Variants in MARCHF1 observed in about 807,000 individuals in gnomAD.
MARCHF1 encodes membrane associated ring-CH-type finger 1.
Under a neutral mutation model 54.2 loss-of-function variants are expected in MARCHF1, and 40 were observed. The ratio of observed to expected loss-of-function variants is 0.74; its 90% CI spans 0.57 to 0.96. The LOEUF (loss-of-function observed/expected upper bound fraction) is 0.96, where lower values mean the gene tolerates loss of function less well. Ranked by LOEUF, MARCHF1 falls within the 40% of genes least tolerant of loss-of-function variation. MARCHF1 has a pLI of 0.00. For missense variants in MARCHF1, 586 were observed against 656.5 expected, an observed-to-expected ratio of 0.89 and a Z score of 1.17; for synonymous variants, 236 against 236.3, an observed-to-expected ratio of 1.00 and a Z score of 0.01.
In MARCHF1 at chr4:163,528,834, C is replaced by G. The variant is rs1407435292; in HGVS notation, c.1552G>C (p.Asp518His). 1 of 1,613,156 alleles carries G rather than the reference C, an allele frequency of 6.2e-7. No individual in the cohort carries two copies. The highest frequency in any genetic ancestry group is 8.5e-7 in the Non-Finnish European group (1 of 1,179,480). Residue 518 changes from aspartate to histidine, a missense_variant, in exon 10 of 10, where the codon GAT becomes CAT. Asp to His is a moderately conservative substitution (Grantham distance 81). Around this residue, in one of 3 missense-constraint regions of MARCHF1, gnomAD observed 106 missense variants for 93.8 expected, o/e 1.13. Transcript: ENST00000514618. ...FSCNVNTDIK[D>H]AVVVPVPQTG... ...TGTGGTACAGGCACTACCACAGCAT[C>G]TTTGATGTCTGTGTTTACATTACAT...
chr4:163,771,770 G>A (rs1298657156), intron 4 of MARCHF1, among the ~76,000 whole-genome samples: 3 of 152,168 alleles, frequency 2.0e-5, no homozygotes, highest in African/African-American at 7.2e-5. Flanking sequence ...AAGGGTGGAG[G>A]TGGAATTCAG....
intron 3 of MARCHF1, among the ~76,000 whole-genome samples, chr4:163,915,823 A>G (rs1560817971): frequency 6.6e-6 from 1 of 152,214 alleles, no homozygotes; most frequent in Non-Finnish European, 1.5e-5. Context: ...ATAGTCAGGT[A>G]GTAAGATCGT....
chr4:164,110,144 AC>A (rs1755804106), intron 2 of MARCHF1, among the ~76,000 whole-genome samples: 2 of 151,288 alleles, frequency 1.3e-5, no homozygotes, highest in Non-Finnish European at 3.0e-5. Flanking sequence ...ACACACACAC[AC>A]ACACACACAC....
At chr4:163,644,772 G>A (rs1450153042) in intron 5 of MARCHF1, among the ~76,000 whole-genome samples, 1 of 152,164 alleles carries the variant, frequency 6.6e-6, no homozygotes, top group Non-Finnish European at 1.5e-5. Flanking sequence ...GACCTGAAAG[G>A]TCCATAGATG....
At chr4:163,570,949 A>T (rs1739824786) in intron 8 of MARCHF1, among the ~76,000 whole-genome samples, 1 of 152,088 alleles carries the variant, frequency 6.6e-6, no homozygotes, top group African/African-American at 2.4e-5. Context: ...CTGGTTCCTG[A>T]TATAAAGTAA....
At chr4:163,948,595 C>T (rs1752068297) in intron 3 of MARCHF1, among the ~76,000 whole-genome samples, 1 of 152,106 alleles carries the variant, frequency 6.6e-6, no homozygotes. Context: ...TATATGTAGA[C>T]AGGACATGAG....
At chr4:163,930,982 T>C (rs1312607951) in intron 3 of MARCHF1, among the ~76,000 whole-genome samples, 2 of 152,096 alleles carry the variant, frequency 1.3e-5, no homozygotes, top group Non-Finnish European at 2.9e-5. Flanking sequence ...TGACACTATC[T>C]AGAGATGGGG....
chr4:163,670,963 C>T (rs1317176800), intron 5 of MARCHF1, among the ~76,000 whole-genome samples: 1 of 152,096 alleles, frequency 6.6e-6, no homozygotes, highest in Non-Finnish European at 1.5e-5. Context: ...CTAGGCTGAC[C>T]TAGCAAATGG....
At chr4:163,649,911 T>C (rs1341718965) in intron 5 of MARCHF1, among the ~76,000 whole-genome samples, 1 of 151,944 alleles carries the variant, frequency 6.6e-6, no homozygotes, top group African/African-American at 2.4e-5. Context: ...GACAAAAATA[T>C]GTACTACCAT....
At chr4:164,349,726 A>C (rs1579742501) in intron 1 of MARCHF1, among the ~76,000 whole-genome samples, 1 of 152,218 alleles carries the variant, frequency 6.6e-6, no homozygotes, top group East Asian at 1.9e-4. Context: ...TTACCTATAA[A>C]AGAATGTAAT....
At chr4:164,188,633 T>G in intron 1 of MARCHF1, 1 of 1,040,532 alleles carries the variant, frequency 9.6e-7, no homozygotes, top group Non-Finnish European at 1.5e-6. Flanking sequence ...CCAGCTCACC[T>G]CCAATCCCAA....
intron 4 of MARCHF1, among the ~76,000 whole-genome samples, chr4:163,724,205 G>A (rs6836419): frequency 0.025 from 3,779 of 152,302 alleles, 160 homozygotes; most frequent in African/African-American, 0.085. Flanking sequence ...GGGTTTTGGT[G>A]TGGATGTCCT....
intron 1 of MARCHF1, among the ~76,000 whole-genome samples, chr4:164,134,275 T>G (rs544163600): frequency 6.6e-6 from 1 of 152,346 alleles, no homozygotes; most frequent in African/African-American, 2.4e-5. Context: ...TGGTTGCCAG[T>G]GTTTCTACAA....
chr4:164,303,721 C>T (rs1486457999), intron 1 of MARCHF1, among the ~76,000 whole-genome samples: 1 of 126,938 alleles, frequency 7.9e-6, no homozygotes, highest in African/African-American at 3.1e-5. Context: ...ACAGCCACTG[C>T]ACCCACACAC....
intron 1 of MARCHF1, among the ~76,000 whole-genome samples, chr4:164,182,520 C>G (rs1730858191): frequency 6.6e-6 from 1 of 151,820 alleles, no homozygotes; most frequent in Non-Finnish European, 1.5e-5. Flanking sequence ...TCCTTCCTTC[C>G]TTCCTTCCAT....
chr4:163,834,566 A>G (rs548870102), intron 4 of MARCHF1, among the ~76,000 whole-genome samples: 151 of 150,528 alleles, frequency 1.0e-3, no homozygotes, highest in African/African-American at 3.6e-3. Flanking sequence ...CTCATCATCT[A>G]GCATTAGGTA....
At chr4:164,350,175 T>C (rs1384750248) in intron 1 of MARCHF1, among the ~76,000 whole-genome samples, 8 of 152,194 alleles carry the variant, frequency 5.3e-5, no homozygotes, top group African/African-American at 1.4e-4. Flanking sequence ...TGGTATTGTA[T>C]ACTGATGTGT....
intron 1 of MARCHF1, among the ~76,000 whole-genome samples, chr4:164,232,681 T>G (rs749953283): frequency 2.3e-4 from 35 of 152,188 alleles, no homozygotes; most frequent in Non-Finnish European, 2.4e-4. Flanking sequence ...ACTCCATACC[T>G]TGTATGGTAT....
chr4:163,788,347 T>C (rs1747678394), intron 4 of MARCHF1, among the ~76,000 whole-genome samples: 1 of 151,978 alleles, frequency 6.6e-6, no homozygotes, highest in Non-Finnish European at 1.5e-5. Context: ...ATAATTTAAG[T>C]GAATAAATTA....
Sources: gnomAD v4.1 joint callset for allele counts (sites outside exome capture counted in the v4.1 genomes callset) on GRCh38, gnomAD v4.1.1 for gene constraint, gnomAD v4.1.1 regional missense constraint, MANE v1.5 for transcripts, NCBI Gene and HGNC (gene_info 2026-07-23, HGNC 2026-07-21) for gene names.